Variants in SOX5 observed in about 807,000 individuals in gnomAD.
SOX5 encodes the protein SRY-box transcription factor 5.
SOX5 carries 9 observed loss-of-function variants against 92.0 expected under a neutral mutation model. That is an observed-to-expected ratio of 0.10 (90% CI 0.06 to 0.17). The LOEUF is 0.17. SOX5 is among the 10% of genes least tolerant of loss of function. SOX5 has a pLI of 1.00. For synonymous variants in SOX5, 344 were observed against 336.3 expected, an observed-to-expected ratio of 1.02 and a Z score of -0.25; for missense variants, 642 against 944.5, an observed-to-expected ratio of 0.68 and a Z score of 4.20.
chr12:23,969,650 G>C (rs1432076381), intron 4 of SOX5, among the ~76,000 whole-genome samples: 1 of 152,154 alleles, frequency 6.6e-6, no homozygotes, highest in Non-Finnish European at 1.5e-5. Flanking sequence ...CTTCTTCTGA[G>C]TCACTCTTCT....
At chr12:23,756,721 C>T (rs1455159432) in intron 3 of SOX5, among the ~76,000 whole-genome samples, 1 of 151,878 alleles carries the variant, frequency 6.6e-6, no homozygotes, top group Non-Finnish European at 1.5e-5. Flanking sequence ...CATACACTGC[C>T]ATTCTCCACA....
At chr12:23,962,806 C>G (rs1229649046) in intron 4 of SOX5, among the ~76,000 whole-genome samples, 2 of 152,086 alleles carry the variant, frequency 1.3e-5, no homozygotes, top group Non-Finnish European at 2.9e-5. Flanking sequence ...CCATTTACAT[C>G]TCTTTGTTGA....
chr12:24,108,315 CT>C (rs76010013), intron 4 of SOX5, among the ~76,000 whole-genome samples: 8,978 of 151,998 alleles, frequency 0.059, 319 homozygotes, highest in Admixed American at 0.13. Flanking sequence ...TTTTTCCATC[CT>C]TTTTTTATTC....
intron 1 of SOX5, among the ~76,000 whole-genome samples, chr12:23,924,593 T>C (rs1569025064): frequency 6.6e-6 from 1 of 152,144 alleles, no homozygotes; most frequent in Non-Finnish European, 1.5e-5. Context: ...AGTCTATAAC[T>C]TGCAGGCTAC....
intron 1 of SOX5, among the ~76,000 whole-genome samples, chr12:23,938,699 T>G (rs1001323437): frequency 1.1e-4 from 17 of 151,002 alleles, no homozygotes; most frequent in African/African-American, 3.9e-4. Flanking sequence ...GTCCTATATA[T>G]AAAATGACAA....
At chr12:24,127,169 T>C (rs929146298) in intron 4 of SOX5, among the ~76,000 whole-genome samples, 10 of 151,776 alleles carry the variant, frequency 6.6e-5, no homozygotes, top group South Asian at 2.1e-4. Flanking sequence ...AGATGGATCA[T>C]TGTTTGAGCA....
At chr12:24,115,445 C>A (rs1947886535) in intron 4 of SOX5, among the ~76,000 whole-genome samples, 1 of 152,146 alleles carries the variant, frequency 6.6e-6, no homozygotes, top group Non-Finnish European at 1.5e-5. Flanking sequence ...TGGTAAGTTA[C>A]ATGAAGATGT....
At chr12:23,912,897 A>C (rs1342236900) in intron 1 of SOX5, among the ~76,000 whole-genome samples, 2 of 152,190 alleles carry the variant, frequency 1.3e-5, no homozygotes, top group African/African-American at 4.8e-5. Context: ...AGAGTAATGA[A>C]AATATTCTAA....
chr12:24,417,600 G>A lies in SOX5; in HGVS notation c.-250-48961C>T, dbSNP rs73283490. On this transcript the variant is annotated intron_variant, in intron 1 of 4. Transcript: ENST00000446891. Reference sequence around the variant, plus strand: ...CCAAAAGGTGACAGATGACTTAACTGACAAATGAACTGAACAGAATATAAT... The same window carrying A: ...CCAAAAGGTGACAGATGACTTAACTAACAAATGAACTGAACAGAATATAAT... 2.7e-3 allele frequency among the ~76,000 whole-genome samples: 415 copies of A among 152,304 alleles called. 1 individual carries two copies. Among genetic ancestry groups the A allele is most frequent in the African/African-American group, 9.6e-3 (400 of 41,562 alleles).
rs138330259 is a variant in SOX5, at chr12:24,253,971, A to G, written c.-77+23245T>C. ...AATGTAGATGATGGTAATAGTAAGT[A>G]CCTCACTGTTTTGGAAAGAATTGAG... On this transcript the variant is annotated intron_variant, in intron 3 of 4. Transcript: ENST00000446891. Among the ~76,000 whole-genome samples the G allele has an allele frequency of 7.9e-4, 121 of 152,276 alleles. 1 individual carries two copies. Among genetic ancestry groups the G allele is most frequent in the African/African-American group, 2.8e-3 (118 of 41,558 alleles).
At chr12:24,410,694 CAG>C (rs1177462568) in intron 1 of SOX5, among the ~76,000 whole-genome samples, 3 of 152,182 alleles carry the variant, frequency 2.0e-5, no homozygotes, top group Admixed American at 2.0e-4. Flanking sequence ...GCAAATATCA[CAG>C]AGTGTTGATC....
chr12:24,499,238 C>T (rs1282382973), intron 1 of SOX5, among the ~76,000 whole-genome samples: 3 of 152,212 alleles, frequency 2.0e-5, no homozygotes, highest in East Asian at 3.8e-4. Flanking sequence ...TCCCCATCGT[C>T]CCCCCTGCCT....
At chr12:24,008,744 T>C (rs928301991) in intron 4 of SOX5, among the ~76,000 whole-genome samples, 2 of 152,316 alleles carry the variant, frequency 1.3e-5, no homozygotes, top group African/African-American at 4.8e-5. Context: ...AAGACAGATA[T>C]GGCCAACACT....
intron 2 of SOX5, among the ~76,000 whole-genome samples, chr12:24,285,468 C>T (rs1362421069): frequency 1.3e-5 from 2 of 152,066 alleles, no homozygotes; most frequent in East Asian, 3.9e-4. Context: ...GATTGCTTAT[C>T]GATATTCTTT....
rs76782256 is a variant in SOX5 at position 24,243,819 on chromosome 12, A to G, written c.-76-30402T>C. On this transcript the variant is annotated intron_variant, in intron 3 of 4. Transcript: ENST00000446891. The stretch of plus-strand genomic sequence containing the variant: ...TCAAGTCCCAATACTAATTCAATAA[A>G]GTTTCTCCACCTAACTACATGTGGA... Among the ~76,000 whole-genome samples the G allele has an allele frequency of 3.3e-5, 5 of 152,176 alleles. No individual in the cohort carries two copies. In the East Asian group the frequency reaches 9.6e-4, roughly 29 times the overall value.
intron 5 of SOX5, among the ~76,000 whole-genome samples, chr12:23,738,200 T>C (rs1593864968): frequency 6.6e-6 from 1 of 152,358 alleles, no homozygotes; most frequent in South Asian, 2.1e-4. Flanking sequence ...CTTTAGCTTT[T>C]GTAACAGCTA....
At chr12:24,043,719 A>T (rs917402094) in intron 4 of SOX5, among the ~76,000 whole-genome samples, 2 of 152,162 alleles carry the variant, frequency 1.3e-5, no homozygotes, top group African/African-American at 4.8e-5. Flanking sequence ...TTTTTTGTGG[A>T]TATTTAAAAT....
At chr12:23,689,796 TG>T (rs1182770442) in intron 6 of SOX5, among the ~76,000 whole-genome samples, 1 of 152,148 alleles carries the variant, frequency 6.6e-6, no homozygotes, top group East Asian at 1.9e-4. Flanking sequence ...ATGAAGGATT[TG>T]GAAGTATGTC....
intron 2 of SOX5, among the ~76,000 whole-genome samples, chr12:24,342,227 A>T (rs1477991853): frequency 6.6e-6 from 1 of 152,180 alleles, no homozygotes; most frequent in Non-Finnish European, 1.5e-5. Context: ...CAGAAATGAA[A>T]TGTTTCTTTG....
Sources: allele counts gnomAD v4.1 joint callset (sites outside exome capture counted in the v4.1 genomes callset), GRCh38; gene constraint gnomAD v4.1.1; transcripts MANE v1.5; gene names NCBI Gene and HGNC (gene_info 2026-07-23, HGNC 2026-07-21).